The following DGKB variants were observed in gnomAD, a reference collection of about 807,000 sequenced individuals.
DGKB encodes the protein 90 kDa diacylglycerol kinase.
Under a neutral mutation model 114.3 loss-of-function variants are expected in DGKB, and 67 were observed. The observed-to-expected ratio is 0.59, with a 90% CI of 0.48 to 0.72. DGKB has a LOEUF of 0.72. Ranked by LOEUF, DGKB falls within the 30% of genes least tolerant of loss-of-function variation. The probability of loss-of-function intolerance (pLI) is 0.00; values close to 1 mark genes in which losing one functional copy is unlikely to be tolerated. For synonymous variants in DGKB, 398 were observed against 323.1 expected (o/e 1.23, Z -2.49); for missense variants, 907 against 975.2 (o/e 0.93, Z 0.93).
At chr7:14,760,239 T>C (rs1249558543) in intron 2 of DGKB, among the ~76,000 whole-genome samples, 2 of 152,160 alleles carry the variant, frequency 1.3e-5, no homozygotes, top group Non-Finnish European at 2.9e-5. Flanking sequence ...TCAGAGTTAA[T>C]TTTTTATGTC....
rs573863758 is a variant in DGKB at position 14,754,675 on chromosome 7, C to G, written c.148-727G>C. Among the ~76,000 whole-genome samples, 3 of 152,226 alleles carry G rather than the reference C, an allele frequency of 2.0e-5. 1 individual carries two copies. In the South Asian group the frequency reaches 6.2e-4, roughly 32 times the overall value. The stretch of plus-strand genomic sequence containing the variant: ...ATTTACATGGCCTGACTATGTTTTA[C>G]TGAGAATAACCTCACTGAAACTGGA... On this transcript the variant is annotated intron_variant, in intron 3 of 25. Coordinates refer to ENST00000402815, the MANE Select transcript of DGKB (RefSeq NM_001350709.2).
chr7:14,770,479 G>A (rs1462154094), intron 2 of DGKB, among the ~76,000 whole-genome samples: 1 of 152,090 alleles, frequency 6.6e-6, no homozygotes, highest in Non-Finnish European at 1.5e-5. Context: ...ATGCCTCCAT[G>A]TCAGAACTGT....
At chr7:14,747,775 G>GCGCGCGCGCGCGCACACACACACACACA in intron 4 of DGKB, among the ~76,000 whole-genome samples, 115 of 149,278 alleles carry the variant, frequency 7.7e-4, no homozygotes, top group Middle Eastern at 3.5e-3. Flanking sequence ...ACATCCACGC[G>GCGCGCGCGCGCGCACACACACACACACA]CACGCACACA....
chr7:14,171,144 C>G (rs2128237450), intron 25 of DGKB, among the ~76,000 whole-genome samples: 1 of 152,158 alleles, frequency 6.6e-6, no homozygotes, highest in East Asian at 1.9e-4. Flanking sequence ...ACTGGGCAAA[C>G]AGGTTTAAGA....
chr7:14,818,954 T>C (rs562226028), intron 2 of DGKB, among the ~76,000 whole-genome samples: 62 of 152,266 alleles, frequency 4.1e-4, no homozygotes, highest in Non-Finnish European at 6.9e-4. Context: ...AATCTAAGAA[T>C]GAATATGATA....
At chr7:14,530,506 T>G (rs1207768264) in intron 20 of DGKB, among the ~76,000 whole-genome samples, 3 of 151,536 alleles carry the variant, frequency 2.0e-5, no homozygotes, top group Non-Finnish European at 4.4e-5. Flanking sequence ...CAATTTAAAA[T>G]TTATACCTCC....
chr7:14,667,146 A>T (rs1026206355), intron 13 of DGKB, among the ~76,000 whole-genome samples: 7 of 152,072 alleles, frequency 4.6e-5, no homozygotes, highest in African/African-American at 1.7e-4. Flanking sequence ...TGGTGAGCAT[A>T]TATCTACTGA....
In DGKB at chr7:14,338,558, C is replaced by T; in HGVS notation, c.2079G>A (p.Arg693=). 6.2e-7 allele frequency: 1 copy of T among 1,600,582 alleles called. No homozygotes were observed. The highest frequency in any genetic ancestry group is 1.1e-5 in the South Asian group (1 of 88,626). The stretch of plus-strand genomic sequence containing the variant: ...ACTCTTTGGCATCTGTGACGGTGGT[C>T]CTTTTGTCAGACCCTTTTTTCTCTA... ...RRIEKKGSDK[R]TTVTDAKELK... is the part of the protein sequence containing the mutation. Residue 693 remains arginine, a synonymous_variant, in exon 23 of 26, where the codon AGG becomes AGA. Transcript: ENST00000402815.
At chr7:14,732,861 T>C (rs1004334912) in intron 5 of DGKB, among the ~76,000 whole-genome samples, 6 of 152,222 alleles carry the variant, frequency 3.9e-5, no homozygotes, top group African/African-American at 1.4e-4. Flanking sequence ...AGTTTTAGGT[T>C]TGAATTTCTT....
At chr7:14,755,150 T>G (rs1834682786) in intron 3 of DGKB, among the ~76,000 whole-genome samples, 1 of 152,196 alleles carries the variant, frequency 6.6e-6, no homozygotes, top group Non-Finnish European at 1.5e-5. Context: ...TGTTTAGATT[T>G]CTCTTATTCA....
intron 13 of DGKB, among the ~76,000 whole-genome samples, chr7:14,634,005 T>C (rs1255116640): frequency 6.6e-6 from 1 of 151,394 alleles, no homozygotes; most frequent in Admixed American, 6.6e-5. Context: ...CAAAGAAAAA[T>C]CTTTGGTGGA....
chr7:14,963,523 A>T (rs1346045590), intron 1 of DGKB, among the ~76,000 whole-genome samples: 1 of 152,200 alleles, frequency 6.6e-6, no homozygotes, highest in Non-Finnish European at 1.5e-5. Context: ...TGAGAATTCA[A>T]AAAAGTGTTT....
chr7:14,196,142 C>T (rs1426085581), intron 23 of DGKB, among the ~76,000 whole-genome samples: 1 of 152,062 alleles, frequency 6.6e-6, no homozygotes, highest in East Asian at 1.9e-4. Context: ...CTGCTTAGAA[C>T]AGTGTGTGTA....
chr7:14,726,067 A>T (rs10247858), intron 5 of DGKB, among the ~76,000 whole-genome samples: 146,278 of 152,236 alleles, frequency 0.96, 70,465 homozygotes, highest in East Asian at 1. Flanking sequence ...AAAACAGAGG[A>T]GAGAACAAGT....
At chr7:14,498,904 T>C (rs994586468) in intron 20 of DGKB, among the ~76,000 whole-genome samples, 3 of 151,720 alleles carry the variant, frequency 2.0e-5, no homozygotes, top group African/African-American at 7.2e-5. Flanking sequence ...CACTTGGAGA[T>C]GGGCTGGAAA....
chr7:14,642,651 G>C (rs967355586), intron 13 of DGKB, among the ~76,000 whole-genome samples: 1 of 152,086 alleles, frequency 6.6e-6, no homozygotes, highest in Non-Finnish European at 1.5e-5. Context: ...AGGCTACCAA[G>C]AAACTCAGGG....
At chr7:14,392,178 T>G (rs1821430159) in intron 21 of DGKB, among the ~76,000 whole-genome samples, 1 of 152,296 alleles carries the variant, frequency 6.6e-6, no homozygotes, top group South Asian at 2.1e-4. Flanking sequence ...TGCATGTAAA[T>G]TTTCTCTGTA....
intron 1 of DGKB, among the ~76,000 whole-genome samples, chr7:14,970,359 T>C (rs936033597): frequency 6.6e-6 from 1 of 151,804 alleles, no homozygotes; most frequent in African/African-American, 2.4e-5. Context: ...AGCAAACAAA[T>C]AGTATGGTTT....
intron 23 of DGKB, among the ~76,000 whole-genome samples, chr7:14,287,412 T>A (rs1274343286): frequency 6.6e-6 from 1 of 152,158 alleles, no homozygotes; most frequent in Non-Finnish European, 1.5e-5. Flanking sequence ...CTAGAATTTT[T>A]AATAGAAAAT....
Sources: allele counts gnomAD v4.1 joint callset (sites outside exome capture counted in the v4.1 genomes callset), GRCh38; gene constraint gnomAD v4.1.1; transcripts MANE v1.5; gene names NCBI Gene and HGNC (gene_info 2026-07-23, HGNC 2026-07-21).